The following MEGF10 variants were observed in gnomAD, a reference collection of about 807,000 sequenced individuals.
The protein encoded by MEGF10 is multiple epidermal growth factor-like domains protein 10.
In MEGF10, 86 loss-of-function variants were observed where a neutral mutation model predicts 147.5. The ratio of observed to expected loss-of-function variants is 0.58; its 90% CI spans 0.49 to 0.70. The LOEUF is 0.70. Among genes scored for constraint, MEGF10 ranks in the 30% least tolerant of loss-of-function variants. The probability of loss-of-function intolerance (pLI) is 0.00; values close to 1 mark genes in which losing one functional copy is unlikely to be tolerated. For missense variants in MEGF10, 1,329 were observed against 1,487.3 expected, an observed-to-expected ratio of 0.89 and a Z score of 1.75; for synonymous variants, 478 against 525.5, an observed-to-expected ratio of 0.91 and a Z score of 1.24.
At chr5:127,456,972 G>C (rs1434681479) in intron 24 of MEGF10, among the ~76,000 whole-genome samples, 156 bp from the exon 25 acceptor site, 1 of 152,104 alleles carries the variant, frequency 6.6e-6, no homozygotes, top group African/African-American at 2.4e-5. Flanking sequence ...GTTGCCACCT[G>C]TATGTGATGA....
intron 5 of MEGF10, among the ~76,000 whole-genome samples, chr5:127,391,512 G>A (rs1286793596): frequency 6.6e-6 from 1 of 151,244 alleles, no homozygotes; most frequent in African/African-American, 2.4e-5. Flanking sequence ...TAAGGCTGCA[G>A]AGAGTCAAGA....
chr5:127,340,575 T>C lies in MEGF10; in HGVS notation c.264T>C (p.Tyr88=). 1.2e-6 allele frequency: 2 copies of C among 1,613,034 alleles called. No individual in the cohort carries two copies. Among genetic ancestry groups the C allele is most frequent in the Non-Finnish European group, 1.7e-6 (2 of 1,179,192 alleles). Residue 88 remains tyrosine, a synonymous_variant, in exon 4 of 25, where the codon TAT becomes TAC. Transcript: ENST00000503335. The part of the protein sequence containing the change: ...TAYRHGEKTM[Y]RRKSQCCPGF... ...ATCGACATGGGGAGAAGACTATGTATAGGCGCAAGTCTCAGTGTTGTCCTG... is the reference window on the plus strand; with the variant it reads ...ATCGACATGGGGAGAAGACTATGTACAGGCGCAAGTCTCAGTGTTGTCCTG...
chr5:127,455,311 C>T, intron 23 of MEGF10, 90 bp from the exon 24 acceptor site: 1 of 1,073,342 alleles, frequency 9.3e-7, no homozygotes. Context: ...TTATGGAAAC[C>T]TAGCTATAAA....
intron 4 of MEGF10, among the ~76,000 whole-genome samples, chr5:127,348,613 T>C (rs1761981680): frequency 6.6e-6 from 1 of 152,176 alleles, no homozygotes; most frequent in African/African-American, 2.4e-5. Flanking sequence ...TTCAGAGATT[T>C]ACTTTGTTTT....
At chr5:127,267,782 T>C in the MEGF10 span, among the ~76,000 whole-genome samples, 5 of 152,286 alleles carry the variant, frequency 3.3e-5, no homozygotes, top group South Asian at 1.0e-3. Context: ...CCTTTATCAT[T>C]TTTTATTATG....
intron 4 of MEGF10, among the ~76,000 whole-genome samples, chr5:127,356,210 G>T (rs1159229646): frequency 1.3e-5 from 2 of 152,188 alleles, no homozygotes; most frequent in Admixed American, 1.3e-4. Context: ...CTGGTATAGC[G>T]CCGGCCAGCG....
intron 4 of MEGF10, among the ~76,000 whole-genome samples, chr5:127,351,028 G>C (rs972978671): frequency 9.2e-5 from 14 of 151,944 alleles, no homozygotes; most frequent in African/African-American, 3.4e-4. Context: ...GGGGAAAATG[G>C]GGATGGTTAA....
the MEGF10 span, among the ~76,000 whole-genome samples, chr5:127,273,152 G>A: frequency 1.3e-5 from 2 of 152,218 alleles, no homozygotes; most frequent in East Asian, 3.9e-4. Flanking sequence ...ACTCCACACA[G>A]CAGTGTGTGT....
At chr5:127,259,668 T>C in the MEGF10 span, among the ~76,000 whole-genome samples, 2 of 152,152 alleles carry the variant, frequency 1.3e-5, no homozygotes, top group African/African-American at 2.4e-5. Flanking sequence ...TTGCTCAGCT[T>C]TTAGGGGTAA....
intron 1 of MEGF10, among the ~76,000 whole-genome samples, chr5:127,293,099 A>G (rs1455863766): frequency 6.6e-6 from 1 of 152,216 alleles, no homozygotes; most frequent in African/African-American, 2.4e-5. Flanking sequence ...TATTATGTAT[A>G]AACTTGTGTT....
Position 127,325,491 on chromosome 5 carries a change from C to G in MEGF10, c.-18-5800C>G, listed in dbSNP as rs146485602. Among the ~76,000 whole-genome samples the G allele has an allele frequency of 9.7e-4, 148 of 152,178 alleles. 1 individual carries two copies. The highest frequency in any genetic ancestry group is 3.5e-3 in the African/African-American group (146 of 41,528). ...TACCAGGGTCTTCCCCAAATTATCC[C>G]TTAACACCACCTATATAATGACCGT... On this transcript the variant is annotated intron_variant, in intron 1 of 24. Transcript: ENST00000503335.
chr5:127,452,051 A>G (rs1293705911), intron 22 of MEGF10, among the ~76,000 whole-genome samples: 1 of 152,210 alleles, frequency 6.6e-6, no homozygotes, highest in Non-Finnish European at 1.5e-5. Flanking sequence ...TGTGAATTAA[A>G]TTAAACCAAG....
At chr5:127,433,035 G>A (rs963282401) in intron 13 of MEGF10, among the ~76,000 whole-genome samples, 9 of 152,150 alleles carry the variant, frequency 5.9e-5, no homozygotes, top group Non-Finnish European at 2.9e-5. Context: ...AAGTCACCAA[G>A]GGCTAAAAGA....
intron 7 of MEGF10, among the ~76,000 whole-genome samples, chr5:127,402,027 A>G (rs1189631079): frequency 6.6e-6 from 1 of 152,266 alleles, no homozygotes; most frequent in Non-Finnish European, 1.5e-5. Flanking sequence ...TCAGGTACAC[A>G]AAATTTCAAT....
At chr5:127,301,394 T>A (rs1385324625) in intron 1 of MEGF10, among the ~76,000 whole-genome samples, 1 of 152,160 alleles carries the variant, frequency 6.6e-6, no homozygotes, top group Non-Finnish European at 1.5e-5. Context: ...AGGAGCATTT[T>A]TTTTTTCTCC....
chr5:127,328,665 C>G (rs1761136334), intron 1 of MEGF10, among the ~76,000 whole-genome samples: 1 of 152,136 alleles, frequency 6.6e-6, no homozygotes, highest in African/African-American at 2.4e-5. Flanking sequence ...ACTTTATAGA[C>G]TAAACATTTC....
chr5:127,320,396 T>C (rs1216668496), intron 1 of MEGF10, among the ~76,000 whole-genome samples: 1 of 152,222 alleles, frequency 6.6e-6, no homozygotes, highest in African/African-American at 2.4e-5. Flanking sequence ...CTCGATTTCC[T>C]AACAATATGA....
chr5:127,399,562 T>G (rs945456385), intron 7 of MEGF10, among the ~76,000 whole-genome samples: 4 of 152,220 alleles, frequency 2.6e-5, no homozygotes, highest in Non-Finnish European at 4.4e-5. Context: ...ATTGACTTTT[T>G]TATCACCTTC....
chr5:127,380,539 A>G, intron 5 of MEGF10, among the ~76,000 whole-genome samples: 1 of 146,848 alleles, frequency 6.8e-6, no homozygotes, highest in African/African-American at 2.5e-5. Context: ...TTTTTTTGAG[A>G]TGGAGTCTCG....
Sources: gnomAD v4.1 joint callset for allele counts (sites outside exome capture counted in the v4.1 genomes callset) on GRCh38, gnomAD v4.1.1 for gene constraint, MANE v1.5 for transcripts, NCBI Gene and HGNC (gene_info 2026-07-23, HGNC 2026-07-21) for gene names.